DYNC1I1: variants seen among roughly 807,000 people sequenced by gnomAD.
DYNC1I1 encodes dynein cytoplasmic 1 intermediate chain 1.
A neutral mutation model predicts 86.6 loss-of-function variants in DYNC1I1; 43 were observed. The observed-to-expected ratio is 0.50, with a 90% CI of 0.39 to 0.64. The LOEUF is 0.64. Among genes scored for constraint, DYNC1I1 ranks in the 30% least tolerant of loss-of-function variants. The pLI, the probability that DYNC1I1 is intolerant of heterozygous loss-of-function variation, is 0.00. For missense variants in DYNC1I1, 604 were observed against 788.8 expected (o/e 0.77, Z 2.81); for synonymous variants, 262 against 283.7 (o/e 0.92, Z 0.77).
intron 16 of DYNC1I1, among the ~76,000 whole-genome samples, chr7:96,088,244 T>C (rs911667605): frequency 5.9e-5 from 9 of 152,164 alleles, no homozygotes; most frequent in African/African-American, 2.2e-4. Context: ...ACTTCATGTA[T>C]TATGGAGTAG....
chr7:95,902,630 T>A (rs1791068132), intron 6 of DYNC1I1, among the ~76,000 whole-genome samples: 1 of 152,206 alleles, frequency 6.6e-6, no homozygotes, highest in Non-Finnish European at 1.5e-5. Context: ...GGGGAAACCA[T>A]TGCATTTTAA....
chr7:95,895,552 A>G (rs1053944977), intron 6 of DYNC1I1, among the ~76,000 whole-genome samples: 6 of 152,156 alleles, frequency 3.9e-5, no homozygotes, highest in Non-Finnish European at 5.9e-5. Flanking sequence ...TGCACTGTAC[A>G]TTCATTAGCA....
intron 14 of DYNC1I1, among the ~76,000 whole-genome samples, chr7:96,042,016 T>G (rs1317999490): frequency 1.3e-5 from 2 of 152,182 alleles, no homozygotes; most frequent in Non-Finnish European, 2.9e-5. Flanking sequence ...AAGAATGATT[T>G]GAAGTGACTT....
At chr7:95,800,482 G>A (rs2115772029) in intron 1 of DYNC1I1, among the ~76,000 whole-genome samples, 1 of 152,222 alleles carries the variant, frequency 6.6e-6, no homozygotes, top group Non-Finnish European at 1.5e-5. Flanking sequence ...AAGGGGAGAT[G>A]CCACTGATGG....
In DYNC1I1 at chr7:95,869,993, C is replaced by T. The variant is rs1441516909; in HGVS notation, c.485C>T (p.Ser162Phe). 12 of 1,611,748 alleles carry T rather than the reference C, an allele frequency of 7.4e-6. No individual in the cohort carries two copies. Among genetic ancestry groups the T allele is most frequent in the Non-Finnish European group, 8.5e-6 (10 of 1,179,216 alleles). Residue 162 changes from serine (S) to phenylalanine (F), a missense_variant, in exon 6 of 17, where the codon TCT (serine) becomes TTT (phenylalanine). Coordinates refer to ENST00000447467, the MANE Select transcript of DYNC1I1 (RefSeq NM_001135556.2). The part of the protein sequence containing the change: ...ETQTPLATHQ[S>F]EEDEEDEEMV... ...CAGACTCCTCTTGCCACGCATCAGT[C>T]TGAAGGTAAACTATGTCTTTGGCTT...
chr7:95,869,528 C>G (rs1790105481), intron 5 of DYNC1I1, among the ~76,000 whole-genome samples: 1 of 151,702 alleles, frequency 6.6e-6, no homozygotes, highest in Admixed American at 6.6e-5. Context: ...TCCTTCTTTC[C>G]TAAGAGACTA....
chr7:95,966,727 C>A (rs1381305102), intron 6 of DYNC1I1, among the ~76,000 whole-genome samples: 1 of 152,190 alleles, frequency 6.6e-6, no homozygotes, highest in Admixed American at 6.5e-5. Flanking sequence ...GACTGATAGA[C>A]ATGAAGGATT....
chr7:96,014,958 T>G (rs1021432267), intron 10 of DYNC1I1, among the ~76,000 whole-genome samples: 19 of 152,308 alleles, frequency 1.2e-4, no homozygotes, highest in African/African-American at 4.3e-4. Flanking sequence ...ATATTATTCC[T>G]GGCTCCACAG....
intron 1 of DYNC1I1, among the ~76,000 whole-genome samples, chr7:95,787,527 C>T (rs541474211): frequency 4.3e-4 from 65 of 152,192 alleles, no homozygotes; most frequent in African/African-American, 1.5e-3. Flanking sequence ...ACCAATGGAG[C>T]GTTGACACTT....
At chr7:96,060,181 C>A (rs1383800265) in intron 14 of DYNC1I1, among the ~76,000 whole-genome samples, 1 of 152,176 alleles carries the variant, frequency 6.6e-6, no homozygotes, top group Non-Finnish European at 1.5e-5. Flanking sequence ...CCAGTTCAGC[C>A]ACCTTCGTGA....
chr7:95,920,610 A>G (rs1160940537), intron 6 of DYNC1I1, among the ~76,000 whole-genome samples: 4 of 152,250 alleles, frequency 2.6e-5, no homozygotes, highest in African/African-American at 4.8e-5. Flanking sequence ...TTTTCTTTAC[A>G]CTAAAACTAT....
rs3735583 is a variant in DYNC1I1, at chr7:95,828,336, C to A, written c.374+220C>A. Among the ~76,000 whole-genome samples, 43 of 152,062 alleles carry A rather than the reference C, an allele frequency of 2.8e-4. 4 individuals carry two copies. The East Asian group carries it at 8.3e-3, about 29-fold the overall frequency. On this transcript the variant is annotated intron_variant, in intron 5 of 16. Coordinates refer to ENST00000447467, the MANE Select transcript of DYNC1I1 (RefSeq NM_001135556.2). ...GCTTTTGATTTCTCCTTATTAATTC[C>A]TATTATTGCAAAACAACACTCCCCC...
chr7:95,872,047 G>A (rs897317109), intron 6 of DYNC1I1, among the ~76,000 whole-genome samples: 3 of 152,190 alleles, frequency 2.0e-5, no homozygotes, highest in Admixed American at 1.3e-4. Context: ...CTTGGCTGCC[G>A]GCAGTCACCC....
chr7:96,066,388 A>G (rs1375036781), intron 14 of DYNC1I1, among the ~76,000 whole-genome samples: 1 of 152,224 alleles, frequency 6.6e-6, no homozygotes, highest in Admixed American at 6.5e-5. Context: ...TAACATCTGT[A>G]CCACAGAATT....
chr7:96,074,550 CA>C (rs61571160), intron 14 of DYNC1I1, among the ~76,000 whole-genome samples: 19,076 of 67,472 alleles, frequency 0.28, 636 homozygotes, highest in African/African-American at 0.35. Context: ...GACTCCGTCT[CA>C]AAAAAAAAAA....
intron 6 of DYNC1I1, among the ~76,000 whole-genome samples, chr7:95,962,203 T>C (rs1376103433): frequency 6.6e-6 from 1 of 152,210 alleles, no homozygotes; most frequent in Admixed American, 6.5e-5. Flanking sequence ...CCCTTAAAGC[T>C]AAGCTCATGC....
At chr7:95,989,644 G>C (rs979705224) in intron 9 of DYNC1I1, among the ~76,000 whole-genome samples, 3 of 151,920 alleles carry the variant, frequency 2.0e-5, no homozygotes, top group Non-Finnish European at 4.4e-5. Flanking sequence ...TGCCTGTGGA[G>C]GTGTTTCCAC....
At chr7:96,003,555 T>C (rs1478316857) in intron 10 of DYNC1I1, among the ~76,000 whole-genome samples, 1 of 152,226 alleles carries the variant, frequency 6.6e-6, no homozygotes, top group African/African-American at 2.4e-5. Context: ...ATTTTCTTTA[T>C]CCTACAACAT....
intron 12 of DYNC1I1, 64 bp downstream of exon 12, chr7:96,032,844 C>A: frequency 7.1e-7 from 1 of 1,404,062 alleles, no homozygotes; most frequent in Non-Finnish European, 1.0e-6. Flanking sequence ...CTTAATGGAA[C>A]ATAGTTCCTA....
Sources: gnomAD v4.1 joint callset for allele counts (sites outside exome capture counted in the v4.1 genomes callset) on GRCh38, gnomAD v4.1.1 for gene constraint, MANE v1.5 for transcripts, NCBI Gene and HGNC (gene_info 2026-07-23, HGNC 2026-07-21) for gene names.